Variants in CAMK2B observed in about 807,000 individuals in gnomAD.
CAMK2B encodes calcium/calmodulin-dependent protein kinase type II subunit beta.
CAMK2B carries 27 observed loss-of-function variants against 93.7 expected under a neutral mutation model. The observed-to-expected ratio is 0.29, with a 90% CI of 0.21 to 0.40. The LOEUF is 0.40. Ranked by LOEUF, CAMK2B falls within the 10% of genes least tolerant of loss-of-function variation. The pLI is 1.00. For missense variants in CAMK2B, 568 were observed against 895.8 expected, an observed-to-expected ratio of 0.63 and a Z score of 4.67; for synonymous variants, 374 against 358.8, an observed-to-expected ratio of 1.04 and a Z score of -0.48.
chr7:44,224,747 G>A lies in CAMK2B; in HGVS notation c.1597+1769C>T, dbSNP rs910229903. Among the ~76,000 whole-genome samples the A allele has an allele frequency of 6.6e-6, 1 of 152,122 alleles. No individual in the cohort carries two copies. The highest frequency in any genetic ancestry group is 6.5e-5 in the Admixed American group (1 of 15,276). On this transcript the variant is annotated intron_variant, in intron 20 of 23. Coordinates refer to ENST00000395749, the MANE Select transcript of CAMK2B (RefSeq NM_001220.5). The surrounding 1 kb of genome is among the most constrained non-coding windows in gnomAD (Gnocchi z 4.4). ...TCAGGCTGGATTGTGTATAATCCGC[G>A]ATTAGAGAGCGTGGGTGGGGAGGAG...
intron 5 of CAMK2B, among the ~76,000 whole-genome samples, chr7:44,252,374 G>C (rs2096788555): frequency 6.6e-6 from 1 of 151,782 alleles, no homozygotes; most frequent in African/African-American, 2.4e-5. Flanking sequence ...GGGCCAAGAG[G>C]GATCCACAGG....
chr7:44,323,630 T>G (rs1340491331), intron 1 of CAMK2B, among the ~76,000 whole-genome samples: 1 of 152,174 alleles, frequency 6.6e-6, no homozygotes, highest in Non-Finnish European at 1.5e-5. Flanking sequence ...CTGAGGACAC[T>G]GGGTGCACAT....
chr7:44,298,835 T>G (rs534897919), intron 1 of CAMK2B, among the ~76,000 whole-genome samples: 4 of 152,248 alleles, frequency 2.6e-5, no homozygotes, highest in African/African-American at 9.6e-5. Flanking sequence ...AGATACCACT[T>G]CACATCCATT....
chr7:44,321,744 A>G (rs970958947), intron 1 of CAMK2B, among the ~76,000 whole-genome samples: 2 of 151,888 alleles, frequency 1.3e-5, no homozygotes, highest in African/African-American at 4.8e-5. Context: ...AAAAGAGACA[A>G]CTCCCCAAAA....
chr7:44,323,224 T>C (rs1383504606), intron 1 of CAMK2B, among the ~76,000 whole-genome samples: 2 of 152,258 alleles, frequency 1.3e-5, no homozygotes, highest in East Asian at 3.8e-4. Context: ...TGCACTAGGC[T>C]GAGCTGCCTG....
intron 5 of CAMK2B, among the ~76,000 whole-genome samples, chr7:44,251,605 C>T (rs1304360760): frequency 1.3e-5 from 2 of 152,216 alleles, no homozygotes; most frequent in Admixed American, 6.5e-5. Context: ...TCCTGGCACC[C>T]TCTACAGCAC....
At chr7:44,283,542 G>A (rs939436518) in intron 2 of CAMK2B, among the ~76,000 whole-genome samples, 3 of 152,244 alleles carry the variant, frequency 2.0e-5, no homozygotes, top group Non-Finnish European at 2.9e-5. Flanking sequence ...CAGGACAGGC[G>A]GAGTGCCCTG....
rs1283412443 is a variant in CAMK2B, at chr7:44,240,753, G to A, written c.904-4C>T. The A allele has an allele frequency of 6.2e-7, 1 of 1,613,724 alleles. No homozygotes were observed. The highest frequency in any genetic ancestry group is 1.6e-4 in the Middle Eastern group (1 of 6,062). On this transcript the variant is annotated splice_region_variant and splice_polypyrimidine_tract_variant and intron_variant, in intron 11 of 23. Transcript: ENST00000395749. Reference sequence around the variant, plus strand: ...GCATGGTGGTGAGGATGGCTCCCTGGGGAGAGACACAGATAAAACCGGGGC... The same window carrying A: ...GCATGGTGGTGAGGATGGCTCCCTGAGGAGAGACACAGATAAAACCGGGGC...
intron 9 of CAMK2B, 89 bp from the exon 10 acceptor site, chr7:44,242,429 G>A (rs2096689065): frequency 2.6e-6 from 4 of 1,555,760 alleles, no homozygotes; most frequent in African/African-American, 2.7e-5. Flanking sequence ...CTCCAGCCAC[G>A]AATCTGGGAG....
At chr7:44,226,283 G>A (rs190735252) in intron 20 of CAMK2B, among the ~76,000 whole-genome samples, 17 of 149,084 alleles carry the variant, frequency 1.1e-4, no homozygotes, top group African/African-American at 4.2e-4. Flanking sequence ...CTGCTCTTTC[G>A]GACGCTCTTC....
intron 1 of CAMK2B, among the ~76,000 whole-genome samples, chr7:44,316,568 G>C (rs1206575741): frequency 6.6e-6 from 1 of 152,124 alleles, no homozygotes; most frequent in Non-Finnish European, 1.5e-5. Flanking sequence ...TCTACTTTTT[G>C]GGGGAGCTTG....
intron 16 of CAMK2B, among the ~76,000 whole-genome samples, 192 bp from the exon 17 acceptor site, chr7:44,231,246 C>A (rs1175430422): frequency 6.6e-6 from 1 of 152,196 alleles, no homozygotes; most frequent in Admixed American, 6.5e-5. Context: ...CTGCAGGGCC[C>A]CAGCTCTGTG....
chr7:44,278,089 C>G (rs1418090986), intron 2 of CAMK2B, among the ~76,000 whole-genome samples: 1 of 152,206 alleles, frequency 6.6e-6, no homozygotes, highest in Non-Finnish European at 1.5e-5. Flanking sequence ...TGAGAAACAG[C>G]CAGGGGCGCC....
chr7:44,254,723 C>T (rs1473668847), intron 4 of CAMK2B, 116 bp from the exon 5 acceptor site: 1 of 687,448 alleles, frequency 1.5e-6, no homozygotes, highest in South Asian at 1.6e-5. Context: ...CTCCCATCAT[C>T]ACTAATGTCA....
intron 19 of CAMK2B, among the ~76,000 whole-genome samples, chr7:44,228,147 C>T (rs867450128): frequency 3.3e-5 from 5 of 151,876 alleles, no homozygotes; most frequent in African/African-American, 4.8e-5. Context: ...CCTTGAGGAA[C>T]GCTGGACGGG....
chr7:44,262,864 G>T, intron 3 of CAMK2B, 141 bp downstream of exon 3: 1 of 691,018 alleles, frequency 1.4e-6, no homozygotes, highest in Non-Finnish European at 2.4e-6. Flanking sequence ...GCGTCCTCAG[G>T]GGCTTCTGGT....
At chr7:44,260,673 C>T (rs2096872381) in intron 3 of CAMK2B, among the ~76,000 whole-genome samples, 1 of 152,166 alleles carries the variant, frequency 6.6e-6, no homozygotes, top group African/African-American at 2.4e-5. Flanking sequence ...AGTTCTGTGA[C>T]CATCACTGTC....
intron 4 of CAMK2B, among the ~76,000 whole-genome samples, chr7:44,257,032 G>T (rs932780280): frequency 6.6e-6 from 1 of 152,188 alleles, no homozygotes; most frequent in Non-Finnish European, 1.5e-5. Context: ...CAGCCATGGC[G>T]CCTATGGGAG....
At chr7:44,295,011 T>C (rs151047899) in intron 1 of CAMK2B, among the ~76,000 whole-genome samples, 104 of 152,200 alleles carry the variant, frequency 6.8e-4, no homozygotes, top group African/African-American at 2.3e-3. Flanking sequence ...AAAAGCCAAG[T>C]AGAGATTAGA....
Sources: gnomAD v4.1 joint callset for allele counts (sites outside exome capture counted in the v4.1 genomes callset) on GRCh38, gnomAD v4.1.1 for gene constraint, Gnocchi (gnomAD v3.1) non-coding constraint, MANE v1.5 for transcripts, NCBI Gene and HGNC (gene_info 2026-07-23, HGNC 2026-07-21) for gene names.